DPP10: variants seen among roughly 807,000 people sequenced by gnomAD.
DPP10 encodes the protein inactive dipeptidyl peptidase 10.
A neutral mutation model predicts 120.9 loss-of-function variants in DPP10; 33 were observed. The ratio of observed to expected loss-of-function variants is 0.27; its 90% CI spans 0.21 to 0.37. The LOEUF is 0.37. Ranked by LOEUF, DPP10 falls within the 10% of genes least tolerant of loss-of-function variation. The pLI, the probability that DPP10 is intolerant of heterozygous loss-of-function variation, is 1.00. For synonymous variants in DPP10, 337 were observed against 326.1 expected (o/e 1.03, Z -0.36); for missense variants, 816 against 942.8 (o/e 0.87, Z 1.76).
Position 114,942,327 on chromosome 2 carries a change from A to G in DPP10, c.61-366912A>G, listed in dbSNP as rs1281214856. ...TATATATATATATATATATACACAC[A>G]CATATATATATACGTATATATACAT... On this transcript the variant is annotated intron_variant, in intron 1 of 25. Transcript: ENST00000410059. Among the ~76,000 whole-genome samples the G allele has an allele frequency of 2.4e-5, 3 of 126,442 alleles. No homozygotes were observed. In the East Asian group the frequency reaches 8.3e-4, roughly 35 times the overall value. The allele number at this position is 126,442 out of a possible 152,430, so 83.0% of individuals were successfully genotyped here.
chr2:115,407,617 A>G (rs985668473), intron 3 of DPP10, among the ~76,000 whole-genome samples: 8 of 152,124 alleles, frequency 5.3e-5, no homozygotes, highest in Admixed American at 2.0e-4. Flanking sequence ...GGACAGCTCA[A>G]AAACCCGAGG....
At chr2:115,309,428 G>T (rs1203095537) in intron 2 of DPP10, 75 bp downstream of exon 2, 47 of 1,422,028 alleles carry the variant, frequency 3.3e-5, no homozygotes, top group Non-Finnish European at 4.2e-5. Context: ...GCCTTAAGAG[G>T]GTAGCAATAT....
At chr2:115,607,031 T>C (rs1031137893) in intron 5 of DPP10, among the ~76,000 whole-genome samples, 6 of 152,010 alleles carry the variant, frequency 3.9e-5, no homozygotes, top group African/African-American at 1.5e-4. Context: ...TATCAAAAGG[T>C]AGGGAAGGCA....
At chr2:115,422,829 C>T (rs1342144911) in intron 3 of DPP10, among the ~76,000 whole-genome samples, 2 of 152,116 alleles carry the variant, frequency 1.3e-5, no homozygotes, top group African/African-American at 4.8e-5. Flanking sequence ...TTCATTTACA[C>T]ATATGGAAAA....
chr2:114,660,264 T>C (rs1320965243), intron 1 of DPP10, among the ~76,000 whole-genome samples: 1 of 152,240 alleles, frequency 6.6e-6, no homozygotes, highest in Non-Finnish European at 1.5e-5. Context: ...GCTTAATATT[T>C]ACAGGATGCA....
At chr2:115,476,790 T>C (rs1260061634) in intron 3 of DPP10, among the ~76,000 whole-genome samples, 1 of 152,152 alleles carries the variant, frequency 6.6e-6, no homozygotes, top group Admixed American at 6.6e-5. Flanking sequence ...ACAAACTGAA[T>C]TTAGCAACAT....
intron 1 of DPP10, among the ~76,000 whole-genome samples, chr2:114,600,516 C>T (rs1263364545): frequency 1.3e-5 from 2 of 151,684 alleles, no homozygotes; most frequent in Non-Finnish European, 3.0e-5. Flanking sequence ...TATGTGATTT[C>T]TCTGGGCTTG....
chr2:114,489,087 G>C (rs780889620), intron 1 of DPP10, among the ~76,000 whole-genome samples: 2 of 152,202 alleles, frequency 1.3e-5, no homozygotes, highest in Non-Finnish European at 2.9e-5. Context: ...AGCCTGATTA[G>C]AAACTACTTT....
chr2:115,782,864 T>C (rs1488344304), intron 17 of DPP10, among the ~76,000 whole-genome samples: 4 of 152,128 alleles, frequency 2.6e-5, no homozygotes, highest in Non-Finnish European at 4.4e-5. Context: ...TTTTCATTTA[T>C]GAATTTATTC....
At chr2:115,734,927 G>A (rs1245126893) in intron 8 of DPP10, among the ~76,000 whole-genome samples, 2 of 152,122 alleles carry the variant, frequency 1.3e-5, no homozygotes, top group South Asian at 2.1e-4. Context: ...TGCCACAACC[G>A]TGGCTTGTAA....
At chr2:114,557,050 G>T (rs12711799) in intron 1 of DPP10, among the ~76,000 whole-genome samples, 2 of 149,320 alleles carry the variant, frequency 1.3e-5, no homozygotes, top group East Asian at 2.0e-4. Flanking sequence ...AGAGAAAAGT[G>T]CTATTTGTTG....
rs537003796 is a variant in DPP10 at position 114,525,312 on chromosome 2, T to C, written c.60+82474T>C. ...GGATTTTAGGCACCTTAATGTAAAA[T>C]ACACATTTGGTAAAGAGGCCCTCTT... On this transcript the variant is annotated intron_variant, in intron 1 of 25. Coordinates refer to ENST00000410059, the MANE Select transcript of DPP10 (RefSeq NM_020868.6). Among the ~76,000 whole-genome samples the C allele has an allele frequency of 9.8e-5, 15 of 152,326 alleles. No individual in the cohort carries two copies. The South Asian group carries it at 2.1e-3, about 21-fold the overall frequency.
At chr2:114,688,793 T>C (rs1006822200) in intron 1 of DPP10, among the ~76,000 whole-genome samples, 11 of 151,924 alleles carry the variant, frequency 7.2e-5, no homozygotes, top group African/African-American at 2.2e-4. Flanking sequence ...GAGGAAGTCA[T>C]GTGTGGGATG....
At chr2:115,751,868 G>A (rs942649424) in intron 10 of DPP10, among the ~76,000 whole-genome samples, 22 of 150,100 alleles carry the variant, frequency 1.5e-4, no homozygotes, top group Admixed American at 8.7e-4. Flanking sequence ...GCACGATCTC[G>A]GCTCACTGCA....
intron 1 of DPP10, among the ~76,000 whole-genome samples, chr2:115,209,128 A>T (rs572752666): frequency 1.3e-5 from 2 of 152,118 alleles, no homozygotes; most frequent in Admixed American, 1.3e-4. Flanking sequence ...TCTCAAAAAG[A>T]TATCCTTTGA....
At chr2:114,767,903 C>A (rs1313437472) in intron 1 of DPP10, among the ~76,000 whole-genome samples, 2 of 151,984 alleles carry the variant, frequency 1.3e-5, no homozygotes, top group East Asian at 3.9e-4. Context: ...GGCAGATCAC[C>A]TGAGGTCAGG....
intron 1 of DPP10, among the ~76,000 whole-genome samples, chr2:115,079,374 A>AAAAAAAACAAAAAAAAAAAG (rs1708074228): frequency 6.6e-6 from 1 of 151,834 alleles, no homozygotes; most frequent in Non-Finnish European, 1.5e-5. Context: ...TCAAAAAACA[A>AAAAAAAACAAAAAAAAAAAG]AAAAAAAGAA....
intron 1 of DPP10, among the ~76,000 whole-genome samples, chr2:114,479,288 C>T (rs1357508040): frequency 6.6e-6 from 1 of 151,898 alleles, no homozygotes; most frequent in Non-Finnish European, 1.5e-5. Context: ...TTAGCTAAAA[C>T]CATCTTGAAA....
chr2:115,803,836 C>T (rs963677616), intron 19 of DPP10, among the ~76,000 whole-genome samples: 4 of 152,186 alleles, frequency 2.6e-5, no homozygotes, highest in East Asian at 1.9e-4. Flanking sequence ...GTGGGTAACC[C>T]GACCTTTCTC....
Sources: gnomAD v4.1 joint callset for allele counts (sites outside exome capture counted in the v4.1 genomes callset) on GRCh38, gnomAD v4.1.1 for gene constraint, MANE v1.5 for transcripts, NCBI Gene and HGNC (gene_info 2026-07-23, HGNC 2026-07-21) for gene names.